Variants in ESRP1 observed in about 807,000 individuals in gnomAD.
The protein encoded by ESRP1 is epithelial splicing regulatory protein 1.
A neutral mutation model predicts 81.7 loss-of-function variants in ESRP1; 33 were observed. The ratio of observed to expected loss-of-function variants is 0.40; its 90% confidence interval spans 0.31 to 0.54. The LOEUF (loss-of-function observed/expected upper bound fraction) is 0.54, where lower values mean the gene tolerates loss of function less well. ESRP1 is among the 20% of genes least tolerant of loss of function. The probability of loss-of-function intolerance (pLI) is 0.41; values close to 1 mark genes in which losing one functional copy is unlikely to be tolerated. For synonymous variants in ESRP1, 320 were observed against 303.3 expected (o/e 1.06, Z -0.57); for missense variants, 672 against 833.1 (o/e 0.81, Z 2.38).
chr8:94,642,566 C>CA (rs1817665491), intron 2 of ESRP1, among the ~76,000 whole-genome samples: 1 of 152,152 alleles, frequency 6.6e-6, no homozygotes, highest in Non-Finnish European at 1.5e-5. Context: ...TTTCAGGCTT[C>CA]TGAACTCCCA....
At chr8:94,696,546 A>C (rs1354538794) in intron 14 of ESRP1, among the ~76,000 whole-genome samples, 1 of 152,214 alleles carries the variant, frequency 6.6e-6, no homozygotes, top group Non-Finnish European at 1.5e-5. Flanking sequence ...TTGCAGTAGC[A>C]TGAAAACAGT....
chr8:94,653,813 A>G (rs1263588834), intron 4 of ESRP1, among the ~76,000 whole-genome samples: 2 of 152,044 alleles, frequency 1.3e-5, no homozygotes, highest in African/African-American at 4.8e-5. Flanking sequence ...ATATATATAT[A>G]TATAAAATCA....
intron 5 of ESRP1, 23 bp from the exon 6 acceptor site, chr8:94,662,478 G>T: frequency 6.3e-7 from 1 of 1,589,688 alleles, no homozygotes; most frequent in Non-Finnish European, 8.6e-7. Context: ...CTAAAATGAT[G>T]ACTTTTATGT....
Position 94,695,371 on chromosome 8 carries a change from T to TTTTTTC in ESRP1, c.1972-1480_1972-1479insTTTTCT, listed in dbSNP as rs1351009238. ...TTCTTTTTTTTTTTTTTTTTTTTTT[T>TTTTTTC]TGAGACGGAGTCTCACTCTGTCGCC... On this transcript the variant is annotated intron_variant, in intron 14 of 15. Transcript: ENST00000433389. Among the ~76,000 whole-genome samples the TTTTTTC allele has an allele frequency of 3.9e-3, 437 of 111,988 alleles. 34 individuals are homozygous for TTTTTTC. The highest frequency in any genetic ancestry group is 0.013 in the African/African-American group (362 of 28,864). The allele number at this position is 111,988 out of a possible 152,430, so 73.5% of individuals were successfully genotyped here.
Position 94,696,967 on chromosome 8 carries a change from G to A in ESRP1, c.*35+6G>A. The A allele has an allele frequency of 6.5e-7, 1 of 1,529,252 alleles. No individual in the cohort carries two copies. The highest frequency in any genetic ancestry group is 8.8e-7 in the Non-Finnish European group (1 of 1,136,012). The allele number at this position is 1,529,252 out of a possible 1,614,324, so 94.7% of individuals were successfully genotyped here. On this transcript the variant is annotated splice_donor_region_variant and intron_variant, in intron 15 of 15. Transcript: ENST00000433389. ...GAACATCCTCAGAAAAGAAGGTAAG[G>A]CTTTATGATGTGCAAGTTAAATTAT...
At chr8:94,641,920 T>TG in intron 1 of ESRP1, 36 bp from the exon 2 acceptor site, 1 of 1,607,188 alleles carries the variant, frequency 6.2e-7, no homozygotes, top group Non-Finnish European at 8.5e-7. Context: ...GCTCCGAAAT[T>TG]GGGGGAAACT....
intron 4 of ESRP1, among the ~76,000 whole-genome samples, chr8:94,661,419 A>G (rs1157281834): frequency 2.6e-5 from 4 of 152,216 alleles, no homozygotes; most frequent in African/African-American, 9.7e-5. Flanking sequence ...AACAGTCAAA[A>G]CATAACTTTT....
intron 13 of ESRP1, among the ~76,000 whole-genome samples, chr8:94,680,262 A>C (rs1808820776): frequency 6.6e-6 from 1 of 152,218 alleles, no homozygotes; most frequent in East Asian, 1.9e-4. Flanking sequence ...ATTAACCCCT[A>C]GAGTGTGTTA....
chr8:94,697,715 A>G (rs1809659853), intron 15 of ESRP1, among the ~76,000 whole-genome samples: 1 of 152,218 alleles, frequency 6.6e-6, no homozygotes, highest in Admixed American at 6.5e-5. Flanking sequence ...ACCCAGGAGT[A>G]TAATCACTGA....
intron 9 of ESRP1, among the ~76,000 whole-genome samples, chr8:94,666,000 T>TA (rs1818997775): frequency 1.3e-5 from 2 of 152,236 alleles, no homozygotes; most frequent in African/African-American, 4.8e-5. Flanking sequence ...ATGTGGTTTT[T>TA]ATCCAGTTAT....
Position 94,694,349 on chromosome 8 carries a change from G to C in ESRP1, c.1971+1522G>C, listed in dbSNP as rs140467418. On this transcript the variant is annotated intron_variant, in intron 14 of 15. Transcript: ENST00000433389. ...TGGCCAGGCATGGTGGCTCACGCCTGTAATCCCAGCACTTTGGGAGACTGA... is the reference window on the plus strand; with the variant it reads ...TGGCCAGGCATGGTGGCTCACGCCTCTAATCCCAGCACTTTGGGAGACTGA... Among the ~76,000 whole-genome samples the C allele has an allele frequency of 2.2e-3, 328 of 152,294 alleles. 3 individuals are homozygous for C. Among genetic ancestry groups the C allele is most frequent in the East Asian group, 0.011 (57 of 5,182 alleles).
Position 94,671,467 on chromosome 8 carries a change from C to A in ESRP1, c.1248C>A (p.Phe416Leu). 14 of 1,612,996 alleles carry A rather than the reference C, an allele frequency of 8.7e-6. No homozygotes were observed. Among genetic ancestry groups the A allele is most frequent in the African/African-American group, 1.3e-5 (1 of 75,034 alleles). The change falls in exon 11 of 16, where the codon TTC becomes TTA. Residue 416 changes from phenylalanine to leucine, a missense_variant. Transcript: ENST00000433389. ...TTTGAGTACAGGTGCTGAATCGATT[C>A]TCCTCGGCCCCTCTCATTCCACTTC... ...AAEVQQVLNR[F>L]SSAPLIPLPT... is the part of the protein sequence containing the mutation.
intron 13 of ESRP1, among the ~76,000 whole-genome samples, chr8:94,690,656 C>CATA (rs902862858): frequency 5.9e-5 from 9 of 152,076 alleles, no homozygotes; most frequent in African/African-American, 2.2e-4. Context: ...AGTTGTGCAA[C>CATA]ATTTACTTTG....
chr8:94,682,844 A>G (rs2130680514), intron 13 of ESRP1, among the ~76,000 whole-genome samples: 1 of 142,982 alleles, frequency 7.0e-6, no homozygotes, highest in East Asian at 2.0e-4. Context: ...AACCTAATGA[A>G]TGAATATATA....
intron 13 of ESRP1, among the ~76,000 whole-genome samples, chr8:94,686,148 C>G (rs981681563): frequency 6.6e-6 from 1 of 152,066 alleles, no homozygotes; most frequent in Non-Finnish European, 1.5e-5. Context: ...AGAGTGGTCT[C>G]GAATTCCTGA....
chr8:94,687,392 CAT>C (rs1215187274), intron 13 of ESRP1, among the ~76,000 whole-genome samples: 3 of 152,124 alleles, frequency 2.0e-5, no homozygotes, highest in African/African-American at 4.8e-5. Flanking sequence ...CTACTTGAAA[CAT>C]ATGCATTCAT....
At chr8:94,703,153 T>G (rs1809913335) in intron 15 of ESRP1, among the ~76,000 whole-genome samples, 1 of 148,592 alleles carries the variant, frequency 6.7e-6, no homozygotes, top group East Asian at 2.0e-4. Flanking sequence ...GCAGTTTCTT[T>G]TTGTTGTTGT....
At chr8:94,672,536 C>CT (rs556057261) in intron 11 of ESRP1, among the ~76,000 whole-genome samples, 3,636 of 145,858 alleles carry the variant, frequency 0.025, 131 homozygotes, top group African/African-American at 0.078. Context: ...AACTTTGGAA[C>CT]TTTTTTTTTT....
chr8:94,701,963 A>G (rs1809858404), intron 15 of ESRP1, among the ~76,000 whole-genome samples: 1 of 152,178 alleles, frequency 6.6e-6, no homozygotes, highest in Non-Finnish European at 1.5e-5. Flanking sequence ...CTGTAGTCCA[A>G]GTTACTCGGG....
Sources: allele counts gnomAD v4.1 joint callset (sites outside exome capture counted in the v4.1 genomes callset), GRCh38; gene constraint gnomAD v4.1.1; transcripts MANE v1.5; gene names NCBI Gene and HGNC (gene_info 2026-07-23, HGNC 2026-07-21).